CACNG7: variants seen among roughly 807,000 people sequenced by gnomAD.
The protein encoded by CACNG7 is voltage-dependent calcium channel gamma-7 subunit.
Under a neutral mutation model 26.3 loss-of-function variants are expected in CACNG7, and 9 were observed. That is an observed-to-expected ratio of 0.34 (90% CI 0.21 to 0.60). CACNG7 has a LOEUF of 0.60. Among genes scored for constraint, CACNG7 ranks in the 20% least tolerant of loss-of-function variants. CACNG7 has a pLI of 0.81. For synonymous variants in CACNG7, 170 were observed against 157.0 expected (o/e 1.08, Z -0.62); for missense variants, 297 against 380.4 (o/e 0.78, Z 1.82).
intron 4 of CACNG7, among the ~76,000 whole-genome samples, chr19:53,932,004 G>A (rs1264082506): frequency 2.0e-5 from 3 of 151,108 alleles, no homozygotes; most frequent in African/African-American, 7.3e-5. Flanking sequence ...CTCGTGATCC[G>A]CCTGCCTCAG....
rs2145921748 is a variant in CACNG7, at chr19:53,942,008, CT to C, written c.571-27del. ...TCCGGGGATGCGCAGGGGGGCGCCC[CT>C]GGGACTCTGACCTTGCCTTGCCGCA... On this transcript the variant is annotated intron_variant, in intron 5 of 5. Transcript: ENST00000391767. This position sits in a 1 kb window ranked among gnomAD's most constrained non-coding sequence, Gnocchi z 5.9. The C allele has an allele frequency of 1.9e-6, 3 of 1,557,480 alleles. No individual in the cohort carries two copies. The highest frequency in any genetic ancestry group is 4.6e-5 in the East Asian group (2 of 43,594).
At position 53,924,523 on chromosome 19, in the gene CACNG7, G is replaced by C. The variant is rs181141707; in HGVS notation, c.424+9018G>C. On this transcript the variant is annotated intron_variant, in intron 4 of 5. Coordinates refer to ENST00000391767, the MANE Select transcript of CACNG7 (RefSeq NM_031896.5). Reference sequence around the variant, plus strand: ...GTCCCCAGGCCTGGTTATTGGTGGAGTTGCCCCAGGTCTGGTATTGGTGGA... The same window carrying C: ...GTCCCCAGGCCTGGTTATTGGTGGACTTGCCCCAGGTCTGGTATTGGTGGA... Among the ~76,000 whole-genome samples, 313 of 145,308 alleles carry C rather than the reference G, an allele frequency of 2.2e-3. 6 individuals carry two copies. Among genetic ancestry groups the C allele is most frequent in the African/African-American group, 7.8e-3 (304 of 38,884 alleles).
At chr19:53,933,053 G>A (rs1285950761) in intron 4 of CACNG7, among the ~76,000 whole-genome samples, 5 of 151,942 alleles carry the variant, frequency 3.3e-5, no homozygotes, top group African/African-American at 9.7e-5. Context: ...TGATCCGCCC[G>A]CATTGGCCTC....
rs1568776601 is a variant in CACNG7 at position 53,923,710 on chromosome 19, T to TCCCAGGTCTGGTCATTGGTGGAGTTGC, written c.424+8253_424+8279dup. Among the ~76,000 whole-genome samples, 18 of 62,700 alleles carry TCCCAGGTCTGGTCATTGGTGGAGTTGC rather than the reference T, an allele frequency of 2.9e-4. 3 individuals are homozygous for TCCCAGGTCTGGTCATTGGTGGAGTTGC. The highest frequency in any genetic ancestry group is 6.2e-4 in the South Asian group (1 of 1,624). 41.1% of individuals were successfully genotyped at this position (62,700 alleles called of 152,430 possible). A position where few individuals can be genotyped will look rare whatever the true frequency, so the allele number is the denominator to read the frequency against. Reference sequence around the variant, plus strand: ...CCAGGCCTGGTCATTGGTGGAGTTGTCCCAGGTCTGGTCATTGGTGGAGTT... The same window carrying TCCCAGGTCTGGTCATTGGTGGAGTTGC: ...CCAGGCCTGGTCATTGGTGGAGTTGTCCCAGGTCTGGTCATTGGTGGAGTTGCCCCAGGTCTGGTCATTGGTGGAGTT... On this transcript the variant is annotated intron_variant, in intron 4 of 5. Transcript: ENST00000391767.
chr19:53,932,289 T>C (rs1360533851), intron 4 of CACNG7, among the ~76,000 whole-genome samples: 1 of 139,258 alleles, frequency 7.2e-6, no homozygotes, highest in Non-Finnish European at 1.6e-5. Context: ...AAAAATAAAA[T>C]AAAATATAGA....
Position 53,914,572 on chromosome 19 carries a change from C to G in CACNG7, c.269C>G (p.Thr90Arg). 1 of 1,613,942 alleles carries G rather than the reference C, an allele frequency of 6.2e-7. No individual in the cohort carries two copies. Among genetic ancestry groups the G allele is most frequent in the Non-Finnish European group, 8.5e-7 (1 of 1,179,924 alleles). Residue 90 changes from threonine to arginine, a missense_variant, in exon 3 of 6, where the codon ACG (threonine) becomes AGG (arginine). By Grantham distance (71) the Thr-to-Arg change is moderately conservative (BLOSUM62 -1). Transcript: ENST00000391767. The part of the protein sequence containing the change: ...EPEINLVTEN[T>R]ENILKTVRTA... ...GAGATCAATTTGGTGACGGAAAACA[C>G]GGAGAATATTCTGAGTGAGGGGATG...
intron 1 of CACNG7, among the ~76,000 whole-genome samples, chr19:53,910,187 A>G (rs1203017755): frequency 6.6e-6 from 1 of 152,130 alleles, no homozygotes; most frequent in Non-Finnish European, 1.5e-5. Context: ...GAGATCGGCT[A>G]CCTGGGATGG....
chr19:53,920,775 GTTGCCCCAGGCTGGTCATTGGTGGAC>G (rs1555810416), intron 4 of CACNG7, among the ~76,000 whole-genome samples: 4 of 71,428 alleles, frequency 5.6e-5, no homozygotes, highest in Non-Finnish European at 7.1e-5. Flanking sequence ...CATTGGTGGA[GTTGCCCCAGGCTGGTCATTGGTGGAC>G]TTGCCCCAGG....
chr19:53,924,304 A>G (rs2069001298), intron 4 of CACNG7, among the ~76,000 whole-genome samples: 2 of 128,642 alleles, frequency 1.6e-5, no homozygotes. Context: ...TCATTGGTGG[A>G]GTTGCCCCAG....
chr19:53,929,027 T>G (rs914406422), intron 4 of CACNG7, among the ~76,000 whole-genome samples: 4 of 146,328 alleles, frequency 2.7e-5, no homozygotes, highest in Admixed American at 7.1e-5. Flanking sequence ...GAGAATCACT[T>G]GAACCCGGGA....
At chr19:53,915,592 G>A (rs1258302606) in intron 4 of CACNG7, 87 bp downstream of exon 4, 2 of 1,479,246 alleles carry the variant, frequency 1.4e-6, no homozygotes, top group African/African-American at 2.8e-5. Context: ...CTTCCTTGCT[G>A]TGTGGCCTGG....
Position 53,942,322 on chromosome 19 carries a change from C to T in CACNG7, c.*29C>T, listed in dbSNP as rs1274551923. The T allele has an allele frequency of 3.3e-6, 5 of 1,530,718 alleles. No homozygotes were observed. The highest frequency in any genetic ancestry group is 4.4e-6 in the Non-Finnish European group (5 of 1,146,382). The allele number at this position is 1,530,718 out of a possible 1,614,324, so 94.8% of individuals were successfully genotyped here. A position where few individuals can be genotyped will look rare whatever the true frequency, so the allele number is the denominator to read the frequency against. On this transcript the variant is annotated 3_prime_UTR_variant, in exon 6 of 6. Coordinates refer to ENST00000391767, the MANE Select transcript of CACNG7 (RefSeq NM_031896.5). The surrounding 1 kb of genome is among the most constrained non-coding windows in gnomAD (Gnocchi z 5.9). ...CCGCCCCTCGGAGCTCCCCCTGCCT[C>T]CTCCTCCTCCTCGTCTTAGGGGGGT...
Position 53,929,277 on chromosome 19 carries a change from G to GGA in CACNG7, c.425-12181_425-12180dup, listed in dbSNP as rs570036616. ...TCCCTGATGGATGAGAGAGAGAGAGGGAGAGAGAGAGAGGAAAAGAGGAGT... is the reference window on the plus strand; with the variant it reads ...TCCCTGATGGATGAGAGAGAGAGAGGGAGAGAGAGAGAGAGGAAAAGAGGAGT... On this transcript the variant is annotated intron_variant, in intron 4 of 5. Transcript: ENST00000391767. Among the ~76,000 whole-genome samples the GGA allele has an allele frequency of 3.6e-3, 465 of 128,164 alleles. 5 individuals carry two copies. Among genetic ancestry groups the GGA allele is most frequent in the Non-Finnish European group, 4.6e-3 (310 of 67,530 alleles). 84.1% of individuals were successfully genotyped at this position (128,164 alleles called of 152,430 possible). A position where few individuals can be genotyped will look rare whatever the true frequency, so the allele number is the denominator to read the frequency against.
intron 4 of CACNG7, among the ~76,000 whole-genome samples, chr19:53,930,312 A>G (rs147380986): frequency 0.07 from 10,614 of 151,402 alleles, 1,240 homozygotes; most frequent in African/African-American, 0.24. Context: ...GGGTTCAAGC[A>G]ATTCTTCTGC....
chr19:53,924,427 C>G (rs1321413319), intron 4 of CACNG7, among the ~76,000 whole-genome samples: 2 of 141,158 alleles, frequency 1.4e-5, no homozygotes, highest in African/African-American at 5.5e-5. Context: ...TGCCCCAGGT[C>G]TGGTCATTGG....
At chr19:53,915,855 A>G (rs1359107069) in intron 4 of CACNG7, among the ~76,000 whole-genome samples, 1 of 152,162 alleles carries the variant, frequency 6.6e-6, no homozygotes, top group African/African-American at 2.4e-5. Context: ...AACTAGTGAG[A>G]GGTAGAGCTG....
intron 4 of CACNG7, among the ~76,000 whole-genome samples, chr19:53,928,073 GGA>G (rs10607723): frequency 0.14 from 20,015 of 143,984 alleles, 2,578 homozygotes; most frequent in African/African-American, 0.35. Context: ...GGAAGGGAGG[GGA>G]GAAAAAGAGA....
rs1210622499 is a variant in CACNG7 at position 53,918,923 on chromosome 19, T to C, written c.424+3418T>C. On this transcript the variant is annotated intron_variant, in intron 4 of 5. Coordinates refer to ENST00000391767, the MANE Select transcript of CACNG7 (RefSeq NM_031896.5). ...AGCTGGGATTACAGGCATGTGCCAG[T>C]GCACCCGGCTAATTTTTTGTATTTT... Among the ~76,000 whole-genome samples the C allele has an allele frequency of 2.0e-5, 3 of 152,132 alleles. No homozygotes were observed. In the East Asian group the frequency reaches 5.8e-4, roughly 29 times the overall value.
chr19:53,925,689 C>T (rs898991302), intron 4 of CACNG7, among the ~76,000 whole-genome samples: 7 of 152,246 alleles, frequency 4.6e-5, no homozygotes, highest in African/African-American at 1.7e-4. Flanking sequence ...ATTACGGTCA[C>T]AGCTGCGCAT....
Sources: allele counts gnomAD v4.1 joint callset (sites outside exome capture counted in the v4.1 genomes callset), GRCh38; gene constraint gnomAD v4.1.1; non-coding constraint Gnocchi (gnomAD v3.1); transcripts MANE v1.5; gene names NCBI Gene and HGNC (gene_info 2026-07-23, HGNC 2026-07-21).